ABTB2: variants seen among roughly 807,000 people sequenced by gnomAD.
ABTB2 encodes the protein ankyrin repeat and BTB/POZ domain-containing protein 2.
In ABTB2, 56 loss-of-function variants were observed where a neutral mutation model predicts 104.1. The ratio of observed to expected loss-of-function variants is 0.54; its 90% CI spans 0.43 to 0.67. ABTB2 has a LOEUF of 0.67. Ranked by LOEUF, ABTB2 falls within the 30% of genes least tolerant of loss-of-function variation. The probability of loss-of-function intolerance (pLI) is 0.00; values close to 1 mark genes in which losing one functional copy is unlikely to be tolerated. For synonymous variants in ABTB2, 606 were observed against 608.2 expected (o/e 1.00, Z 0.05); for missense variants, 1,279 against 1,407.7 (o/e 0.91, Z 1.46).
At chr11:34,211,902 C>CA (rs1231324201) in intron 1 of ABTB2, among the ~76,000 whole-genome samples, 1,232 of 57,296 alleles carry the variant, frequency 0.022, 21 homozygotes, top group African/African-American at 0.046. Context: ...GACCCTGTCT[C>CA]AAAAAAAAAA....
intron 1 of ABTB2, among the ~76,000 whole-genome samples, chr11:34,251,823 TGAG>T (rs1854060547): frequency 2.7e-5 from 4 of 150,604 alleles, no homozygotes; most frequent in Non-Finnish European, 4.4e-5. Context: ...TACAGAGACA[TGAG>T]GAGTGATTCA....
chr11:34,181,690 G>A (rs1853029508), intron 3 of ABTB2, among the ~76,000 whole-genome samples: 1 of 152,184 alleles, frequency 6.6e-6, no homozygotes, highest in Admixed American at 6.5e-5. Context: ...TGGGGTGCAG[G>A]CCCGGCTCCC....
chr11:34,249,703 G>A (rs1854032153), intron 1 of ABTB2, among the ~76,000 whole-genome samples: 1 of 152,176 alleles, frequency 6.6e-6, no homozygotes, highest in African/African-American at 2.4e-5. Context: ...GGAGTGCCGT[G>A]GTGTAATCAC....
intron 2 of ABTB2, among the ~76,000 whole-genome samples, chr11:34,200,837 A>G (rs1053981619): frequency 6.6e-6 from 1 of 152,118 alleles, no homozygotes; most frequent in Non-Finnish European, 1.5e-5. Context: ...TGACCATCAC[A>G]TGGCTGCTAC....
chr11:34,179,146 G>A (rs552204440), intron 3 of ABTB2, among the ~76,000 whole-genome samples: 12 of 151,588 alleles, frequency 7.9e-5, no homozygotes, highest in South Asian at 2.1e-4. Flanking sequence ...GTTATTCTAC[G>A]GATATTGGCT....
chr11:34,226,267 C>T (rs4756117), intron 1 of ABTB2, among the ~76,000 whole-genome samples: 90,517 of 147,078 alleles, frequency 0.62, 27,708 homozygotes, highest in Non-Finnish European at 0.66. Flanking sequence ...CTCAAATAAA[C>T]ATTGGGAATA....
At position 34,307,421 on chromosome 11, in the gene ABTB2, C is replaced by T. The variant is rs578214643; in HGVS notation, c.883+49280G>A. ...GCATAACCTGTATTACCACTACATCCTAAAATGCTTGGAGAACAGCTCACA... is the reference window on the plus strand; with the variant it reads ...GCATAACCTGTATTACCACTACATCTTAAAATGCTTGGAGAACAGCTCACA... On this transcript the variant is annotated intron_variant, in intron 1 of 16. Coordinates refer to ENST00000435224, the MANE Select transcript of ABTB2 (RefSeq NM_145804.3). Among the ~76,000 whole-genome samples the T allele has an allele frequency of 1.1e-4, 16 of 152,324 alleles. No homozygotes were observed. The South Asian group carries it at 2.7e-3, about 26-fold the overall frequency.
At chr11:34,292,429 C>A (rs536598819) in intron 1 of ABTB2, among the ~76,000 whole-genome samples, 2 of 152,284 alleles carry the variant, frequency 1.3e-5, no homozygotes, top group Non-Finnish European at 2.9e-5. Context: ...AAGATGGCAG[C>A]CTTCACAGAC....
At chr11:34,285,467 C>G (rs1161038434) in intron 1 of ABTB2, among the ~76,000 whole-genome samples, 1 of 152,138 alleles carries the variant, frequency 6.6e-6, no homozygotes, top group East Asian at 1.9e-4. Context: ...AATTATCTTG[C>G]AGGCCTTCTT....
intron 1 of ABTB2, among the ~76,000 whole-genome samples, chr11:34,294,727 T>C (rs1470378023): frequency 6.6e-6 from 1 of 151,882 alleles, no homozygotes; most frequent in East Asian, 1.9e-4. Flanking sequence ...AATTTTTTTT[T>C]TTTTTTGAGA....
At chr11:34,341,023 C>A (rs1855255819) in intron 1 of ABTB2, among the ~76,000 whole-genome samples, 1 of 152,218 alleles carries the variant, frequency 6.6e-6, no homozygotes, top group Admixed American at 6.5e-5. Context: ...CCCCTTCCAT[C>A]ATCTTGAAAT....
Position 34,184,643 on chromosome 11 carries a change from C to T in ABTB2, c.1245-11336G>A, listed in dbSNP as rs1405995843. On this transcript the variant is annotated intron_variant, in intron 3 of 16. Transcript: ENST00000435224. Reference sequence around the variant, plus strand: ...AGGACATCTGCCTCATTTCTCAGGCCAGAACTCCCCAGCATGGCTGCCCCA... The same window carrying T: ...AGGACATCTGCCTCATTTCTCAGGCTAGAACTCCCCAGCATGGCTGCCCCA... 2.0e-5 allele frequency among the ~76,000 whole-genome samples: 3 copies of T among 152,240 alleles called. No homozygotes were observed. In the East Asian group the frequency reaches 5.8e-4, roughly 29 times the overall value.
chr11:34,232,528 A>T (rs2955949), intron 1 of ABTB2, among the ~76,000 whole-genome samples: 104,813 of 151,390 alleles, frequency 0.69, 36,395 homozygotes, highest in Middle Eastern at 0.8. Context: ...CACCATCACG[A>T]GGCCTAACCT....
chr11:34,264,541 C>A (rs1282304465), intron 1 of ABTB2, among the ~76,000 whole-genome samples: 1 of 152,212 alleles, frequency 6.6e-6, no homozygotes, highest in East Asian at 1.9e-4. Flanking sequence ...TGACTTTTTG[C>A]TGCCAGCAAT....
chr11:34,159,285 G>T lies in ABTB2; in HGVS notation c.2697+11C>A. ...CCCTCTGAGAAGAGGGCGGCACCAAGACCCACACACCTGAAAAATGTGGTA... is the reference window on the plus strand; with the variant it reads ...CCCTCTGAGAAGAGGGCGGCACCAATACCCACACACCTGAAAAATGTGGTA... On this transcript the variant is annotated intron_variant, in intron 14 of 16. Transcript: ENST00000435224. 6.2e-7 allele frequency: 1 copy of T among 1,609,488 alleles called. No homozygotes were observed. Among genetic ancestry groups the T allele is most frequent in the Non-Finnish European group, 8.5e-7 (1 of 1,176,162 alleles).
intron 1 of ABTB2, among the ~76,000 whole-genome samples, chr11:34,302,657 AC>A (rs1732522527): frequency 6.6e-6 from 1 of 152,206 alleles, no homozygotes. Context: ...TTTAAAAAAT[AC>A]CTCAAGGGCA....
intron 1 of ABTB2, among the ~76,000 whole-genome samples, chr11:34,274,122 G>A (rs2611110): frequency 0.049 from 6,116 of 125,906 alleles, 479 homozygotes; most frequent in African/African-American, 0.17. Flanking sequence ...ACTGCAGTCC[G>A]CAGTCCGGCC....
chr11:34,298,654 G>A (rs1282675075), intron 1 of ABTB2, among the ~76,000 whole-genome samples: 1 of 152,010 alleles, frequency 6.6e-6, no homozygotes, highest in Non-Finnish European at 1.5e-5. Flanking sequence ...TAGAGATGGG[G>A]TTTTGCCATG....
At chr11:34,175,536 C>T (rs1852949978) in intron 3 of ABTB2, among the ~76,000 whole-genome samples, 1 of 152,222 alleles carries the variant, frequency 6.6e-6, no homozygotes, top group African/African-American at 2.4e-5. Context: ...GCTTTCACAC[C>T]ACTGTAAAGC....
Sources: gnomAD v4.1 joint callset for allele counts (sites outside exome capture counted in the v4.1 genomes callset) on GRCh38, gnomAD v4.1.1 for gene constraint, MANE v1.5 for transcripts, NCBI Gene and HGNC (gene_info 2026-07-23, HGNC 2026-07-21) for gene names.